TMEM17: variants seen among roughly 807,000 people sequenced by gnomAD.
TMEM17 encodes transmembrane protein 17.
In TMEM17, 15 loss-of-function variants were observed where a neutral mutation model predicts 19.1. The observed-to-expected ratio is 0.78, with a 90% CI of 0.52 to 1.21. TMEM17 has a LOEUF of 1.21. Ranked by LOEUF, TMEM17 falls within the 50% of genes most tolerant of loss-of-function variation. The pLI is 0.00. For synonymous variants in TMEM17, 103 were observed against 86.9 expected (o/e 1.19, Z -1.03); for missense variants, 245 against 242.3 (o/e 1.01, Z -0.07).
chr2:62,485,888 C>T, the TMEM17 span, among the ~76,000 whole-genome samples: 2 of 152,202 alleles, frequency 1.3e-5, no homozygotes, highest in Non-Finnish European at 2.9e-5. Flanking sequence ...TTGTACAGAG[C>T]CAGTGCCTGT....
the TMEM17 span, among the ~76,000 whole-genome samples, chr2:62,481,624 G>A: frequency 6.6e-6 from 1 of 151,950 alleles, no homozygotes; most frequent in African/African-American, 2.4e-5. Context: ...ATAATTTACT[G>A]AGAGTTTCTG....
chr2:62,473,153 A>G, the TMEM17 span, among the ~76,000 whole-genome samples: 3 of 152,346 alleles, frequency 2.0e-5, no homozygotes, highest in East Asian at 5.8e-4. Context: ...GCCAACATTT[A>G]TTATGCATCA....
At chr2:62,455,488 C>T in the TMEM17 span, among the ~76,000 whole-genome samples, 5 of 152,274 alleles carry the variant, frequency 3.3e-5, no homozygotes, top group African/African-American at 4.8e-5. Flanking sequence ...AAAAACTGGC[C>T]GGGCACAGTG....
Position 62,501,217 on chromosome 2 carries a change from C to T in TMEM17, c.589G>A (p.Glu197Lys), listed in dbSNP as rs564483561. 258 of 1,614,042 alleles carry T rather than the reference C, an allele frequency of 1.6e-4. 5 individuals are homozygous for T. The South Asian group carries it at 2.6e-3, about 16-fold the overall frequency. Residue 197 changes from glutamate to lysine, a missense_variant, in exon 4 of 4, where the codon GAG becomes AAG. Coordinates refer to ENST00000335390, the MANE Select transcript of TMEM17 (RefSeq NM_198276.3). ...DMRRMRSCIE[E>K]I ...CACTCAACAACACTGGATCAGATCTCTTCTATACATGACCTCATCCTTCTC... is the reference window on the plus strand; with the variant it reads ...CACTCAACAACACTGGATCAGATCTTTTCTATACATGACCTCATCCTTCTC...
At chr2:62,462,453 C>T in the TMEM17 span, among the ~76,000 whole-genome samples, 2 of 152,096 alleles carry the variant, frequency 1.3e-5, no homozygotes, top group Non-Finnish European at 1.5e-5. Context: ...CCATAGGCCG[C>T]AGGGAAGACA....
rs773657932 is a variant in TMEM17 at position 62,506,168 on chromosome 2, C to A, written c.-39G>T. The A allele has an allele frequency of 6.5e-7, 1 of 1,544,698 alleles. No individual in the cohort carries two copies. The highest frequency in any genetic ancestry group is 2.5e-5 in the East Asian group (1 of 40,362). On this transcript the variant is annotated 5_prime_UTR_variant, in exon 1 of 4. Coordinates refer to ENST00000335390, the MANE Select transcript of TMEM17 (RefSeq NM_198276.3). ...TATCCCTCACCCCCTCAGACACGGG[C>A]TAGTCTGCGGGCGCTCCGAGGCTCC...
At chr2:62,455,855 C>T in the TMEM17 span, among the ~76,000 whole-genome samples, 4 of 152,226 alleles carry the variant, frequency 2.6e-5, no homozygotes, top group Admixed American at 2.0e-4. Flanking sequence ...TATAGTTCTT[C>T]CACACTTTTG....
At chr2:62,498,445 G>A (rs370466632), downstream of TMEM17, among the ~76,000 whole-genome samples, 12 of 150,004 alleles carry the variant, frequency 8.0e-5, no homozygotes, top group African/African-American at 2.0e-4. Flanking sequence ...GGCCGGGCGC[G>A]GTGGCTCACG....
rs1679902118 is a variant in TMEM17, at chr2:62,500,608, G to A, written c.*601C>T. 7.2e-6 allele frequency: 1 copy of A among 138,428 alleles called. No individual in the cohort carries two copies. The highest frequency in any genetic ancestry group is 7.6e-5 in the Admixed American group (1 of 13,152). The allele number at this position is 138,428 out of a possible 1,614,324, so 8.6% of individuals were successfully genotyped here. A position where few individuals can be genotyped will look rare whatever the true frequency, so the allele number is the denominator to read the frequency against. ...CTACAGGTGCCTGCAACCACGCCTA[G>A]CTAATTTTTTTTTTTTTTGTATTTT... On this transcript the variant is annotated 3_prime_UTR_variant, in exon 4 of 4. Coordinates refer to ENST00000335390, the MANE Select transcript of TMEM17 (RefSeq NM_198276.3).
At chr2:62,470,166 C>T in the TMEM17 span, among the ~76,000 whole-genome samples, 5 of 152,216 alleles carry the variant, frequency 3.3e-5, no homozygotes, top group Non-Finnish European at 2.9e-5. Flanking sequence ...TCCTCCACTA[C>T]ACTGATTAAT....
At chr2:62,467,675 G>T in the TMEM17 span, among the ~76,000 whole-genome samples, 1 of 152,116 alleles carries the variant, frequency 6.6e-6, no homozygotes, top group Admixed American at 6.5e-5. Context: ...AAAGTCAGCG[G>T]CTCTGTTTTC....
At chr2:62,454,805 G>A in the TMEM17 span, among the ~76,000 whole-genome samples, 23 of 152,262 alleles carry the variant, frequency 1.5e-4, 1 homozygote, top group East Asian at 1.9e-3. Context: ...CTGGGTTCAC[G>A]CCATTCTCCT....
At chr2:62,462,147 C>A in the TMEM17 span, among the ~76,000 whole-genome samples, 2 of 152,208 alleles carry the variant, frequency 1.3e-5, no homozygotes, top group Admixed American at 1.3e-4. Context: ...TCACCCTTAG[C>A]CCTGGTCCCA....
chr2:62,506,095 C>T lies in TMEM17; in HGVS notation c.35G>A (p.Gly12Glu), dbSNP rs774929065. The change falls in exon 1 of 4, where the codon GGA (glycine) becomes GAA (glutamate). Residue 12 changes from glycine (G) to glutamate (E), a missense_variant. Physicochemically the swap from Gly to Glu is moderately conservative, Grantham distance 98. Coordinates refer to ENST00000335390, the MANE Select transcript of TMEM17 (RefSeq NM_198276.3). ...ELPDPVRQRL[G>E]NFSRAVFSDS... Reference sequence around the variant, plus strand: ...ACTGAACACGGCCCGGCTGAAGTTTCCCAGCCGCTGGCGCACCGGATCCGG... The same window carrying T: ...ACTGAACACGGCCCGGCTGAAGTTTTCCAGCCGCTGGCGCACCGGATCCGG... 1.9e-6 allele frequency: 3 copies of T among 1,610,810 alleles called. No homozygotes were observed. Among genetic ancestry groups the T allele is most frequent in the Admixed American group, 1.7e-5 (1 of 59,768 alleles).
the TMEM17 span, among the ~76,000 whole-genome samples, chr2:62,479,333 T>C: frequency 6.6e-6 from 1 of 152,204 alleles, no homozygotes; most frequent in African/African-American, 2.4e-5. Flanking sequence ...TGTTTAACTT[T>C]CTGTGCCTGG....
chr2:62,463,759 G>A, the TMEM17 span: 1 of 152,196 alleles, frequency 6.6e-6, no homozygotes, highest in African/African-American at 2.4e-5. Flanking sequence ...TTCTATTCCT[G>A]TTTTCCCACT....
chr2:62,493,420 A>G, the TMEM17 span, among the ~76,000 whole-genome samples: 2 of 152,216 alleles, frequency 1.3e-5, no homozygotes, highest in African/African-American at 2.4e-5. Flanking sequence ...TAGGGCTGGT[A>G]TGGTAAAGTT....
chr2:62,502,122 C>T, intron 3 of TMEM17: 1 of 176,850 alleles, frequency 5.7e-6, no homozygotes, highest in South Asian at 1.5e-4. Context: ...TTTAAGTAAC[C>T]ATGTATTTTC....
chr2:62,495,934 A>G (rs965203760), downstream of TMEM17, among the ~76,000 whole-genome samples: 3 of 152,170 alleles, frequency 2.0e-5, no homozygotes, highest in Admixed American at 2.0e-4. Context: ...GGCTGTCCCA[A>G]CTCAATGACC....
Sources: allele counts gnomAD v4.1 joint callset (sites outside exome capture counted in the v4.1 genomes callset), GRCh38; gene constraint gnomAD v4.1.1; transcripts MANE v1.5; gene names NCBI Gene and HGNC (gene_info 2026-07-23, HGNC 2026-07-21).